Variants in KPNA6 observed in about 807,000 individuals in gnomAD.
The protein encoded by KPNA6 is importin subunit alpha-7.
Under a neutral mutation model 72.0 loss-of-function variants are expected in KPNA6, and 9 were observed. The observed-to-expected ratio is 0.13, with a 90% confidence interval of 0.08 to 0.22. The LOEUF (loss-of-function observed/expected upper bound fraction) is 0.22, where lower values mean the gene tolerates loss of function less well. Among genes scored for constraint, KPNA6 ranks in the 10% least tolerant of loss-of-function variants. KPNA6 has a pLI of 1.00. For synonymous variants in KPNA6, 219 were observed against 242.1 expected (o/e 0.90, Z 0.89); for missense variants, 374 against 655.7 (o/e 0.57, Z 4.69).
intron 6 of KPNA6, among the ~76,000 whole-genome samples, chr1:32,160,323 C>T (rs1261176607): frequency 6.8e-6 from 1 of 147,796 alleles, no homozygotes; most frequent in South Asian, 2.2e-4. Flanking sequence ...AAAAAAAATG[C>T]AACTTTCTGA....
intron 1 of KPNA6, among the ~76,000 whole-genome samples, chr1:32,148,651 G>A (rs1051853926): frequency 2.1e-5 from 3 of 145,744 alleles, no homozygotes; most frequent in Admixed American, 6.9e-5. Context: ...TCCACCTCCC[G>A]GGTTCAAGCA....
intron 11 of KPNA6, among the ~76,000 whole-genome samples, chr1:32,166,756 T>A (rs369487972): frequency 2.1e-5 from 3 of 144,276 alleles, no homozygotes; most frequent in African/African-American, 7.7e-5. Flanking sequence ...GGTGAAACCA[T>A]GTCTCTTCTA....
chr1:32,160,735 T>C lies in KPNA6; in HGVS notation c.647+32T>C, dbSNP rs1642222620. The C allele has an allele frequency of 3.9e-6, 6 of 1,552,360 alleles. No homozygotes were observed. The South Asian group carries it at 6.7e-5, about 17-fold the overall frequency. On this transcript the variant is annotated intron_variant, in intron 7 of 13. Transcript: ENST00000373625. ...AATTATAATCATCTGTACCTGGGCGTCTACTGGGTGGCCACGTGGCAGGTC... is the reference window on the plus strand; with the variant it reads ...AATTATAATCATCTGTACCTGGGCGCCTACTGGGTGGCCACGTGGCAGGTC...
In KPNA6 at chr1:32,158,305, A is replaced by G; in HGVS notation, c.370A>G (p.Arg124Gly). The change falls in exon 5 of 14, where the codon AGA (arginine) becomes GGA (glycine). Residue 124 changes from arginine to glycine, a missense_variant. Arg to Gly is a moderately radical substitution (Grantham distance 125). This residue lies in a region of KPNA6 where 298 missense variants were observed against 495.4 expected (regional missense o/e 0.60). Coordinates refer to ENST00000373625, the MANE Select transcript of KPNA6 (RefSeq NM_012316.5). ...AATAGATGAAGTTATCAACACTCCA[A>G]GAGTGGTGGATCGGTTCGTGGAGTT... ...PPIDEVINTP[R>G]VVDRFVEFLK... is the part of the protein sequence containing the mutation. 1 of 1,613,616 alleles carries G rather than the reference A, an allele frequency of 6.2e-7. No individual in the cohort carries two copies. The highest frequency in any genetic ancestry group is 8.5e-7 in the Non-Finnish European group (1 of 1,179,530).
intron 1 of KPNA6, among the ~76,000 whole-genome samples, chr1:32,113,702 G>A (rs1336146213): frequency 6.6e-6 from 1 of 152,118 alleles, no homozygotes; most frequent in East Asian, 1.9e-4. Flanking sequence ...GCCTCCCAAA[G>A]TGTTGGGATT....
At chr1:32,165,161 C>T (rs771994774) in intron 10 of KPNA6, among the ~76,000 whole-genome samples, 2 of 152,172 alleles carry the variant, frequency 1.3e-5, no homozygotes, top group African/African-American at 4.8e-5. Context: ...CCCACCTTGG[C>T]TTCTCAAAGT....
In KPNA6 at chr1:32,122,917, A is replaced by G. The variant is rs527812248; in HGVS notation, c.4+14783A>G. On this transcript the variant is annotated intron_variant, in intron 1 of 13. Transcript: ENST00000373625. ...GGTTGCAGTGAGCCGAGATCGTGCC[A>G]TTGCACTCCAGCCTGGGCAACAAGA... Among the ~76,000 whole-genome samples the G allele has an allele frequency of 5.2e-3, 784 of 149,774 alleles. 2 individuals are homozygous for G. The highest frequency in any genetic ancestry group is 8.4e-3 in the Non-Finnish European group (569 of 67,694).
chr1:32,160,320 A>T (rs1160380186), intron 6 of KPNA6, among the ~76,000 whole-genome samples: 1 of 149,722 alleles, frequency 6.7e-6, no homozygotes, highest in Non-Finnish European at 1.5e-5. Flanking sequence ...AAAAAAAAAA[A>T]TGCAACTTTC....
chr1:32,169,981 C>T lies in KPNA6; in HGVS notation c.1344C>T (p.Ile448=), dbSNP rs1186880110. The change falls in exon 13 of 14, where the codon ATC becomes ATT. Residue 448 remains isoleucine, a synonymous_variant. Coordinates refer to ENST00000373625, the MANE Select transcript of KPNA6 (RefSeq NM_012316.5). ...TGGCCCTCAATGGACTGGAGAACAT[C>T]CTGCGGCTTGGAGAGCAAGAGGGCA... The part of the protein sequence containing the change: ...VQVALNGLEN[I]LRLGEQEGKR... The T allele has an allele frequency of 1.2e-6, 2 of 1,613,934 alleles. No homozygotes were observed. Among genetic ancestry groups the T allele is most frequent in the African/African-American group, 2.7e-5 (2 of 74,878 alleles).
intron 1 of KPNA6, among the ~76,000 whole-genome samples, chr1:32,138,249 T>G (rs945091138): frequency 1.3e-5 from 2 of 151,658 alleles, no homozygotes; most frequent in African/African-American, 4.8e-5. Flanking sequence ...GGTTTAAAAG[T>G]AGAGGTGGAA....
chr1:32,175,948 TAAAAA>T lies in KPNA6; in HGVS notation c.*5058_*5062del, dbSNP rs370075005. On this transcript the variant is annotated 3_prime_UTR_variant, in exon 14 of 14. Transcript: ENST00000373625. ...CCCCGTCCCTACAAAAATAAAAAAA[TAAAAA>T]AAATAAGCCAGGTGTGGTGGTGGGC... 1.3e-5 allele frequency: 2 copies of T among 150,378 alleles called. No individual in the cohort carries two copies. Among genetic ancestry groups the T allele is most frequent in the African/African-American group, 2.5e-5 (1 of 40,610 alleles). 9.3% of individuals were successfully genotyped at this position (150,378 alleles called of 1,614,324 possible).
Position 32,170,689 on chromosome 1 carries a change from TC to T in KPNA6, c.1424-16del, listed in dbSNP as rs1642420441. ...AAAAGCACTCACACTTCCCTCTCCT[TC>T]CTTCTTACTACTGTAGGCTTGGATA... On this transcript the variant is annotated splice_polypyrimidine_tract_variant and intron_variant, in intron 13 of 13. Transcript: ENST00000373625. 1 of 1,606,252 alleles carries T rather than the reference TC, an allele frequency of 6.2e-7. No individual in the cohort carries two copies. Among genetic ancestry groups the T allele is most frequent in the Non-Finnish European group, 8.5e-7 (1 of 1,173,598 alleles).
intron 1 of KPNA6, among the ~76,000 whole-genome samples, chr1:32,127,969 A>G (rs1478897449): frequency 6.6e-6 from 1 of 152,130 alleles, no homozygotes. Flanking sequence ...GTTATCTGCA[A>G]CACACACACA....
chr1:32,110,716 G>A (rs1012552309), intron 1 of KPNA6, among the ~76,000 whole-genome samples: 3 of 152,108 alleles, frequency 2.0e-5, no homozygotes, highest in African/African-American at 4.8e-5. Context: ...GACCAATAAG[G>A]TGAAACCCTG....
At position 32,172,951 on chromosome 1, in the gene KPNA6, T is replaced by G. The variant is rs1318460422; in HGVS notation, c.*2057T>G. On this transcript the variant is annotated 3_prime_UTR_variant, in exon 14 of 14. Transcript: ENST00000373625. ...TGATCTTGAATTTGCCCTCTCCTAG[T>G]GCTGCAGTCCCACTTCAAAGCCATT... 1 of 397,400 alleles carries G rather than the reference T, an allele frequency of 2.5e-6. No homozygotes were observed. The highest frequency in any genetic ancestry group is 4.4e-6 in the Non-Finnish European group (1 of 225,648). The allele number at this position is 397,400 out of a possible 1,614,324, so 24.6% of individuals were successfully genotyped here. A position where few individuals can be genotyped will look rare whatever the true frequency, so the allele number is the denominator to read the frequency against.
chr1:32,123,829 AT>A (rs34712939), intron 1 of KPNA6, among the ~76,000 whole-genome samples: 28 of 151,106 alleles, frequency 1.9e-4, no homozygotes, highest in Non-Finnish European at 2.9e-4. Context: ...CGGTCAAGAG[AT>A]TGAGACCATC....
At position 32,141,375 on chromosome 1, in the gene KPNA6, CTTTTTTTTTTTTTTTTTTTTTTTTTTT is replaced by C. The variant is rs71006334; in HGVS notation, c.5-13199_5-13173del. On this transcript the variant is annotated intron_variant, in intron 1 of 13. Transcript: ENST00000373625. ...AGGGCTTTTTTTTTTTAAGTTAATC[CTTTTTTTTTTTTTTTTTTTTTTTTTTT>C]TTTTTTTTTTTTTGAGACGGAGTCT... Among the ~76,000 whole-genome samples the C allele has an allele frequency of 8.3e-3, 451 of 54,482 alleles. 7 individuals are homozygous for C. Among genetic ancestry groups the C allele is most frequent in the Middle Eastern group, 0.071 (4 of 56 alleles). 35.7% of individuals were successfully genotyped at this position (54,482 alleles called of 152,430 possible).
rs1406216325 is a variant in KPNA6, at chr1:32,157,402, G to T, written c.288G>T (p.Leu96=). The T allele has an allele frequency of 7.4e-6, 12 of 1,613,890 alleles. No individual in the cohort carries two copies. The Middle Eastern group carries it at 6.6e-4, about 88-fold the overall frequency. The change falls in exon 4 of 14, where the codon CTG becomes CTT. Residue 96 remains leucine (L), a synonymous_variant. Transcript: ENST00000373625. ...TGCTCTTTTCTGATGATTCTGACCTGCAGTTAGCAACCACACAGAAATTCC... is the reference window on the plus strand; with the variant it reads ...TGCTCTTTTCTGATGATTCTGACCTTCAGTTAGCAACCACACAGAAATTCC... The part of the protein sequence containing the change: ...VEMLFSDDSD[L]QLATTQKFRK...
rs193263208 is a variant in KPNA6 at position 32,167,981 on chromosome 1, C to A, written c.1244+685C>A. Among the ~76,000 whole-genome samples the A allele has an allele frequency of 1.4e-3, 212 of 151,924 alleles. 1 individual carries two copies. Among genetic ancestry groups the A allele is most frequent in the African/African-American group, 4.9e-3 (203 of 41,434 alleles). On this transcript the variant is annotated intron_variant, in intron 12 of 13. Coordinates refer to ENST00000373625, the MANE Select transcript of KPNA6 (RefSeq NM_012316.5). ...AGGAGTTCAAGACTAGCCTGGGCAA[C>A]ATAGGGACTTTGTCTCATGTGTACA...
Sources: gnomAD v4.1 joint callset for allele counts (sites outside exome capture counted in the v4.1 genomes callset) on GRCh38, gnomAD v4.1.1 for gene constraint, gnomAD v4.1.1 regional missense constraint, MANE v1.5 for transcripts, NCBI Gene and HGNC (gene_info 2026-07-23, HGNC 2026-07-21) for gene names.